The following BCAS4 variants were observed in gnomAD, a reference collection of about 807,000 sequenced individuals.
BCAS4 encodes the protein breast carcinoma-amplified sequence 4.
Under a neutral mutation model 15.7 loss-of-function variants are expected in BCAS4, and 9 were observed. The ratio of observed to expected loss-of-function variants is 0.57; its 90% CI spans 0.34 to 1.00. The LOEUF is 1.00. BCAS4 is among the 50% of genes least tolerant of loss of function. The probability of loss-of-function intolerance (pLI) is 0.02; values close to 1 mark genes in which losing one functional copy is unlikely to be tolerated. For synonymous variants in BCAS4, 101 were observed against 99.5 expected (o/e 1.02, Z -0.09); for missense variants, 225 against 239.1 (o/e 0.94, Z 0.39).
chr20:50,803,580 T>C (rs948174937), intron 1 of BCAS4, among the ~76,000 whole-genome samples: 2 of 152,062 alleles, frequency 1.3e-5, no homozygotes, highest in African/African-American at 2.4e-5. Context: ...CAGTATCTCA[T>C]GCCTTCAATC....
intron 3 of BCAS4, among the ~76,000 whole-genome samples, chr20:50,834,663 AT>A (rs1206655796): frequency 2.0e-5 from 3 of 152,194 alleles, no homozygotes; most frequent in African/African-American, 7.2e-5. Flanking sequence ...AATAAGCACT[AT>A]CTCATTCCTG....
At chr20:50,832,223 G>A (rs574778459) in intron 3 of BCAS4, among the ~76,000 whole-genome samples, 43 of 151,930 alleles carry the variant, frequency 2.8e-4, no homozygotes, top group African/African-American at 8.4e-4. Flanking sequence ...GGCTCAGGAC[G>A]CTGCCCAATT....
downstream of BCAS4, chr20:50,878,838 T>G (rs1980055561): frequency 6.6e-6 from 1 of 152,112 alleles, no homozygotes; most frequent in South Asian, 2.1e-4. Flanking sequence ...TTCACTAAAT[T>G]TTTCACAAAC....
At chr20:50,871,105 CTG>C (rs1979617850) in intron 4 of BCAS4, among the ~76,000 whole-genome samples, 3 of 152,234 alleles carry the variant, frequency 2.0e-5, no homozygotes, top group African/African-American at 7.2e-5. Context: ...GAAGTCTTCT[CTG>C]AGATTTTCAA....
chr20:50,862,265 A>G (rs1451047243), intron 4 of BCAS4, among the ~76,000 whole-genome samples: 1 of 149,684 alleles, frequency 6.7e-6, no homozygotes, highest in Non-Finnish European at 1.5e-5. Flanking sequence ...GCTCTCTTTT[A>G]CGTTTTTCTC....
chr20:50,825,808 C>T lies in BCAS4; in HGVS notation c.163-4471C>T, dbSNP rs2088271550. Among the ~76,000 whole-genome samples the T allele has an allele frequency of 2.6e-5, 4 of 152,174 alleles. No homozygotes were observed. In the South Asian group the frequency reaches 8.3e-4, roughly 32 times the overall value. ...AAGAGAATCACTTGAACCTAGGAGG[C>T]AGAGGTTGCAGTGAGCAGAGATGGT... is the stretch of plus-strand genomic sequence containing the variant. On this transcript the variant is annotated intron_variant, in intron 2 of 4. Coordinates refer to ENST00000371608, the MANE Select transcript of BCAS4 (RefSeq NM_198799.4).
chr20:50,836,398 A>G (rs980784860), intron 3 of BCAS4, among the ~76,000 whole-genome samples: 7 of 152,154 alleles, frequency 4.6e-5, no homozygotes, highest in Non-Finnish European at 1.0e-4. Context: ...CCCCATCTCC[A>G]GGAAAGGAAT....
intron 4 of BCAS4, among the ~76,000 whole-genome samples, chr20:50,866,322 G>T (rs1979356429): frequency 6.6e-6 from 1 of 152,180 alleles, no homozygotes; most frequent in Admixed American, 6.5e-5. Context: ...ACGGAGCCTT[G>T]GCCTGGTGGT....
intron 1 of BCAS4, among the ~76,000 whole-genome samples, chr20:50,797,916 C>T (rs2087886165): frequency 2.0e-5 from 3 of 152,008 alleles, no homozygotes; most frequent in African/African-American, 7.2e-5. Context: ...CTGCCCGCCT[C>T]GGCCTCCCAA....
At chr20:50,872,767 A>G (rs541560384) in intron 4 of BCAS4, among the ~76,000 whole-genome samples, 1 of 152,254 alleles carries the variant, frequency 6.6e-6, no homozygotes, top group African/African-American at 2.4e-5. Context: ...CAGTTCTCCA[A>G]AGAGCTGTGG....
intron 2 of BCAS4, among the ~76,000 whole-genome samples, chr20:50,825,741 G>A (rs566659301): frequency 7.2e-5 from 11 of 152,276 alleles, no homozygotes; most frequent in African/African-American, 2.6e-4. Context: ...GCCAGGCATG[G>A]TGGCAGGTGC....
At chr20:50,839,085 CT>C (rs2088445647) in intron 3 of BCAS4, among the ~76,000 whole-genome samples, 1 of 152,206 alleles carries the variant, frequency 6.6e-6, no homozygotes, top group Non-Finnish European at 1.5e-5. Flanking sequence ...GAAGGAGAGG[CT>C]TTCCCAGAAG....
chr20:50,808,360 G>A (rs1392452380), intron 1 of BCAS4, among the ~76,000 whole-genome samples: 1 of 152,180 alleles, frequency 6.6e-6, no homozygotes, highest in Non-Finnish European at 1.5e-5. Flanking sequence ...TGGGATTGCT[G>A]GATCAAATGG....
intron 4 of BCAS4, among the ~76,000 whole-genome samples, chr20:50,850,078 G>T (rs1190693386): frequency 1.3e-5 from 2 of 152,178 alleles, no homozygotes; most frequent in African/African-American, 4.8e-5. Context: ...CACTGTGGAG[G>T]ATTTGAGACC....
chr20:50,810,368 A>C (rs2088045060), intron 1 of BCAS4, among the ~76,000 whole-genome samples: 1 of 151,924 alleles, frequency 6.6e-6, no homozygotes, highest in Non-Finnish European at 1.5e-5. Flanking sequence ...TCTTCACCGG[A>C]GTTGCTGCAA....
At chr20:50,832,660 T>C (rs1389550788) in intron 3 of BCAS4, 2 of 152,426 alleles carry the variant, frequency 1.3e-5, no homozygotes, top group East Asian at 1.9e-4. Flanking sequence ...TTCTGGAGGC[T>C]CTGGGGAGAA....
At chr20:50,853,138 C>CG (rs1978533136) in intron 4 of BCAS4, among the ~76,000 whole-genome samples, 2 of 140,014 alleles carry the variant, frequency 1.4e-5, no homozygotes, top group Non-Finnish European at 3.0e-5. Context: ...CATCCCCTTT[C>CG]ATTTTTTTTT....
At chr20:50,842,203 G>A (rs985389527) in intron 4 of BCAS4, among the ~76,000 whole-genome samples, 7 of 152,148 alleles carry the variant, frequency 4.6e-5, no homozygotes, top group Non-Finnish European at 1.0e-4. Flanking sequence ...GCACACTTAG[G>A]GACAGTGCCC....
chr20:50,829,976 G>A (rs570175328), intron 2 of BCAS4, among the ~76,000 whole-genome samples: 3 of 152,240 alleles, frequency 2.0e-5, no homozygotes, highest in East Asian at 3.9e-4. Flanking sequence ...CTTTCCATTC[G>A]CTCCAGTTCA....
Sources: gnomAD v4.1 joint callset for allele counts (sites outside exome capture counted in the v4.1 genomes callset) on GRCh38, gnomAD v4.1.1 for gene constraint, MANE v1.5 for transcripts, NCBI Gene and HGNC (gene_info 2026-07-23, HGNC 2026-07-21) for gene names.